The following RGS5 variants were observed in gnomAD, a reference collection of about 807,000 sequenced individuals.
RGS5 encodes regulator of G protein signaling 5, also known as regulator of G-protein signalling 5.
In RGS5, 20 loss-of-function variants were observed where a neutral mutation model predicts 18.9. That is an observed-to-expected ratio of 1.06 (90% CI 0.74 to 1.54). The LOEUF is 1.54. Among genes scored for constraint, RGS5 ranks in the 40% most tolerant of loss-of-function variants. The pLI is 0.00. For synonymous variants in RGS5, 57 were observed against 76.2 expected (o/e 0.75, Z 1.31); for missense variants, 201 against 211.8 (o/e 0.95, Z 0.32).
chr1:163,286,705 T>C (rs772858246), intron 2 of RGS5, among the ~76,000 whole-genome samples: 49 of 152,278 alleles, frequency 3.2e-4, no homozygotes, highest in Middle Eastern at 3.4e-3. Flanking sequence ...ATTTTTATCT[T>C]CCATTTTTTT....
intron 2 of RGS5, among the ~76,000 whole-genome samples, chr1:163,239,518 A>G (rs1268037289): frequency 6.6e-6 from 1 of 151,866 alleles, no homozygotes; most frequent in East Asian, 1.9e-4. Context: ...TACCAAATGG[A>G]AAAAGATTCA....
At chr1:163,286,089 G>A (rs907949526) in intron 2 of RGS5, among the ~76,000 whole-genome samples, 3 of 151,116 alleles carry the variant, frequency 2.0e-5, no homozygotes, top group African/African-American at 4.9e-5. Context: ...CCGCGTCTGG[G>A]GATTCAACCA....
intron 1 of RGS5, among the ~76,000 whole-genome samples, chr1:163,213,531 A>C (rs577783024): frequency 6.6e-6 from 1 of 152,328 alleles, no homozygotes; most frequent in Non-Finnish European, 1.5e-5. Context: ...CCACAAGCTA[A>C]AGATGGTTTA....
intron 1 of RGS5, among the ~76,000 whole-genome samples, chr1:163,313,228 T>C (rs1389536106): frequency 1.3e-5 from 2 of 152,196 alleles, no homozygotes; most frequent in Non-Finnish European, 2.9e-5. Flanking sequence ...AGAAAAATAG[T>C]TATTTTCTTT....
chr1:163,202,640 C>T, intron 1 of RGS5, 152 bp downstream of exon 1: 1 of 597,682 alleles, frequency 1.7e-6, no homozygotes, highest in Non-Finnish European at 3.0e-6. Context: ...ATATTGTTTA[C>T]AGAGAAGAGA....
chr1:163,260,574 G>A (rs1370826986), intron 2 of RGS5: 1 of 151,628 alleles, frequency 6.6e-6, no homozygotes, highest in Non-Finnish European at 1.5e-5. Flanking sequence ...TTACCATAAT[G>A]TAATGGGTGC....
intron 2 of RGS5, among the ~76,000 whole-genome samples, chr1:163,250,833 A>G (rs536124635): frequency 3.9e-5 from 6 of 152,336 alleles, no homozygotes; most frequent in African/African-American, 1.4e-4. Flanking sequence ...ATGATCTATA[A>G]AACTCCATCC....
intron 1 of RGS5, among the ~76,000 whole-genome samples, chr1:163,179,146 A>G (rs150671148): frequency 2.0e-5 from 3 of 152,346 alleles, no homozygotes; most frequent in African/African-American, 7.2e-5. Context: ...AGAAAATCCA[A>G]TTAATACCAA....
intron 2 of RGS5, among the ~76,000 whole-genome samples, chr1:163,224,933 T>C (rs903501865): frequency 1.3e-5 from 2 of 152,158 alleles, no homozygotes; most frequent in Admixed American, 1.3e-4. Flanking sequence ...TACTAACCCC[T>C]TATCAGATAC....
rs74603659 is a variant in RGS5 at position 163,320,846 on chromosome 1, C to T, written c.-378+776G>A. Among the ~76,000 whole-genome samples the T allele has an allele frequency of 6.7e-3, 1,014 of 152,276 alleles. 14 individuals carry two copies. Among genetic ancestry groups the T allele is most frequent in the African/African-American group, 0.023 (975 of 41,562 alleles). ...TTTAGTTCTTCAGGACAGGACAAAGCAGCGGAATTTGTGTCTACATTCAAT... is the reference window on the plus strand; with the variant it reads ...TTTAGTTCTTCAGGACAGGACAAAGTAGCGGAATTTGTGTCTACATTCAAT... On this transcript the variant is annotated intron_variant, in intron 1 of 5. Transcript: ENST00000618415.
At chr1:163,263,434 C>T (rs1352983880) in intron 2 of RGS5, among the ~76,000 whole-genome samples, 2 of 152,058 alleles carry the variant, frequency 1.3e-5, no homozygotes, top group Non-Finnish European at 2.9e-5. Context: ...TGGGCAGTGC[C>T]CTCAGTTAAT....
chr1:163,299,627 C>T (rs1328959335), intron 2 of RGS5, among the ~76,000 whole-genome samples: 1 of 152,164 alleles, frequency 6.6e-6, no homozygotes, highest in Non-Finnish European at 1.5e-5. Flanking sequence ...TATATGTGAA[C>T]GTGCTGCTGC....
chr1:163,259,668 G>A (rs777903276), intron 2 of RGS5, among the ~76,000 whole-genome samples: 10 of 152,240 alleles, frequency 6.6e-5, no homozygotes, highest in Non-Finnish European at 1.3e-4. Flanking sequence ...ATTTCTGGGC[G>A]CTACAGAAGT....
At chr1:163,154,445 G>T (rs992329652) in intron 3 of RGS5, among the ~76,000 whole-genome samples, 1 of 152,048 alleles carries the variant, frequency 6.6e-6, no homozygotes, top group East Asian at 1.9e-4. Flanking sequence ...AAGACACTTT[G>T]TAATTTGATC....
intron 1 of RGS5, among the ~76,000 whole-genome samples, chr1:163,173,828 C>A (rs1658417602): frequency 6.6e-6 from 1 of 152,104 alleles, no homozygotes; most frequent in African/African-American, 2.4e-5. Flanking sequence ...GTAATCCCAG[C>A]ACTTTAGGAG....
chr1:163,176,419 C>T (rs958596744), intron 1 of RGS5, among the ~76,000 whole-genome samples: 23 of 152,252 alleles, frequency 1.5e-4, no homozygotes, highest in Admixed American at 3.9e-4. Flanking sequence ...GTTGGGAGTT[C>T]GACACCAGCC....
intron 1 of RGS5, among the ~76,000 whole-genome samples, chr1:163,314,038 T>C (rs961826285): frequency 3.3e-5 from 5 of 151,610 alleles, no homozygotes; most frequent in Non-Finnish European, 7.4e-5. Flanking sequence ...TGTGTGTTTA[T>C]AAATGGAATA....
chr1:163,160,580 T>C (rs1399386728), intron 3 of RGS5, among the ~76,000 whole-genome samples: 1 of 152,140 alleles, frequency 6.6e-6, no homozygotes, highest in Admixed American at 6.5e-5. Flanking sequence ...AATTAGAGAC[T>C]GTGGGGTTCT....
intron 2 of RGS5, among the ~76,000 whole-genome samples, chr1:163,167,983 T>A (rs908274581): frequency 6.6e-6 from 1 of 152,162 alleles, no homozygotes; most frequent in Non-Finnish European, 1.5e-5. Flanking sequence ...ATAAGTATGG[T>A]CTGTCTATTT....
Sources: allele counts gnomAD v4.1 joint callset (sites outside exome capture counted in the v4.1 genomes callset), GRCh38; gene constraint gnomAD v4.1.1; transcripts MANE v1.5; gene names NCBI Gene and HGNC (gene_info 2026-07-23, HGNC 2026-07-21).